The following PPID variants were observed in gnomAD, a reference collection of about 807,000 sequenced individuals.
PPID encodes the protein peptidylprolyl isomerase D.
A neutral mutation model predicts 48.1 loss-of-function variants in PPID; 47 were observed. That is an observed-to-expected ratio of 0.98 (90% CI 0.77 to 1.25). The LOEUF is 1.25. Among genes scored for constraint, PPID ranks in the 50% most tolerant of loss-of-function variants. The probability of loss-of-function intolerance (pLI) is 0.00; values close to 1 mark genes in which losing one functional copy is unlikely to be tolerated. For missense variants in PPID, 429 were observed against 443.5 expected, an observed-to-expected ratio of 0.97 and a Z score of 0.29; for synonymous variants, 163 against 148.8, an observed-to-expected ratio of 1.10 and a Z score of -0.69.
At chr4:158,710,364 AT>A in intron 9 of PPID, 1 of 552,196 alleles carries the variant, frequency 1.8e-6, no homozygotes, top group South Asian at 2.2e-5. Context: ...ATTTAGACAT[AT>A]AAAAAACTAC....
At chr4:158,718,267 C>A (rs1045633545) in intron 3 of PPID, among the ~76,000 whole-genome samples, 2 of 152,192 alleles carry the variant, frequency 1.3e-5, no homozygotes, top group African/African-American at 4.8e-5. Context: ...TCCTGCCTAA[C>A]CAAATCTCAG....
chr4:158,719,383 G>T, intron 2 of PPID, 97 bp from the exon 3 acceptor site: 1 of 769,038 alleles, frequency 1.3e-6, no homozygotes, highest in Non-Finnish European at 2.2e-6. Context: ...TGTAGTGCAT[G>T]ACTCTAGTCA....
At chr4:158,712,071 A>T (rs1438459234) in intron 7 of PPID, among the ~76,000 whole-genome samples, 1 of 152,204 alleles carries the variant, frequency 6.6e-6, no homozygotes, top group Non-Finnish European at 1.5e-5. Context: ...CAAAATTAGG[A>T]TCTCATTTTA....
At position 158,715,674 on chromosome 4, in the gene PPID, A is replaced by G. The variant is rs1774860383; in HGVS notation, c.533T>C (p.Ile178Thr). ...KGEKPAKLCV[I>T]AECGELKEGD... ...TTCCTTCAATTCTCCACATTCTGCA[A>G]TAACGCACAACTGTAAAAATAACCC... The change falls in exon 5 of 10, where the codon ATT (isoleucine) becomes ACT (threonine). Residue 178 changes from isoleucine (I) to threonine (T), a missense_variant. Transcript: ENST00000307720. The G allele has an allele frequency of 4.3e-6, 7 of 1,609,312 alleles. No homozygotes were observed. The highest frequency in any genetic ancestry group is 2.2e-5 in the East Asian group (1 of 44,850).
intron 2 of PPID, 106 bp downstream of exon 2, chr4:158,721,237 A>G (rs1580434152): frequency 3.0e-6 from 4 of 1,330,250 alleles, no homozygotes; most frequent in South Asian, 1.3e-5. Flanking sequence ...GGACGCTAAT[A>G]GTACTTTTTA....
At chr4:158,721,279 C>G (rs1774954594) in intron 2 of PPID, 64 bp downstream of exon 2, 4 of 1,561,634 alleles carry the variant, frequency 2.6e-6, no homozygotes, top group African/African-American at 1.4e-5. Flanking sequence ...TTTTCTTCCC[C>G]AAATCCTAAA....
chr4:158,713,068 A>G (rs1387806527), intron 7 of PPID, 51 bp downstream of exon 7: 2 of 1,585,984 alleles, frequency 1.3e-6, no homozygotes, highest in African/African-American at 2.7e-5. Flanking sequence ...TACTATTCAA[A>G]CTAAGTCTTA....
intron 4 of PPID, 31 bp from the exon 5 acceptor site, chr4:158,715,715 C>T: frequency 1.3e-6 from 2 of 1,589,866 alleles, no homozygotes; most frequent in African/African-American, 1.3e-5. Context: ...TGTAGAAGTG[C>T]ACTATCGTAA....
intron 6 of PPID, among the ~76,000 whole-genome samples, chr4:158,713,525 T>C (rs1288641331): frequency 6.6e-6 from 1 of 152,124 alleles, no homozygotes; most frequent in Non-Finnish European, 1.5e-5. Flanking sequence ...AAAACTCAGG[T>C]CCCCACTATG....
At chr4:158,718,410 T>C (rs1020203472) in intron 3 of PPID, among the ~76,000 whole-genome samples, 22 of 152,264 alleles carry the variant, frequency 1.4e-4, no homozygotes, top group Admixed American at 1.4e-3. Flanking sequence ...AGCAATGTTA[T>C]ACAAGCAAGG....
At chr4:158,710,949 C>A in intron 7 of PPID, 101 bp from the exon 8 acceptor site, 1 of 1,079,386 alleles carries the variant, frequency 9.3e-7, no homozygotes, top group Admixed American at 2.1e-5. Flanking sequence ...CTTCACTGCT[C>A]TGTGAAAATG....
intron 4 of PPID, 52 bp downstream of exon 4, chr4:158,716,960 A>G: frequency 5.1e-6 from 8 of 1,557,514 alleles, no homozygotes; most frequent in South Asian, 1.1e-5. Flanking sequence ...CTCCGTCTCA[A>G]AAAGATAGCA....
chr4:158,719,211 T>C lies in PPID; in HGVS notation c.302A>G (p.Glu101Gly). 6.2e-7 allele frequency: 1 copy of C among 1,606,364 alleles called. No homozygotes were observed. The highest frequency in any genetic ancestry group is 8.5e-7 in the Non-Finnish European group (1 of 1,173,546). Residue 101 changes from glutamate to glycine, a missense_variant, in exon 3 of 10, where the codon GAA becomes GGA. By Grantham distance (98) the Glu-to-Gly change is moderately conservative (BLOSUM62 -2). Transcript: ENST00000307720. The stretch of plus-strand genomic sequence containing the variant: ...ATGGAAATTTTCATCTTCAAATTTT[T>C]CACCATAAATACTTTCTCCACCTGT... ...NGTGGESIYG[E>G]KFEDENFHYK...
intron 9 of PPID, chr4:158,710,384 T>C: frequency 1.7e-6 from 1 of 579,336 alleles, no homozygotes; most frequent in Non-Finnish European, 3.0e-6. Context: ...ACAGAGATGA[T>C]AACTTGAAGA....
Position 158,723,358 on chromosome 4 carries a change from A to C in PPID, c.-70T>G, listed in dbSNP as rs1297801264. 1 of 1,467,314 alleles carries C rather than the reference A, an allele frequency of 6.8e-7. No homozygotes were observed. The highest frequency in any genetic ancestry group is 9.5e-7 in the Non-Finnish European group (1 of 1,056,956). The allele number at this position is 1,467,314 out of a possible 1,614,324, so 90.9% of individuals were successfully genotyped here. A position where few individuals can be genotyped will look rare whatever the true frequency, so the allele number is the denominator to read the frequency against. ...TGGCCGCCCGGGCCGCCCAAACTCC[A>C]GAGTCCGTCTCCGCCGGAGACCGGC... On this transcript the variant is annotated 5_prime_UTR_variant, in exon 1 of 10. Transcript: ENST00000307720.
chr4:158,711,462 G>A (rs17843951), intron 7 of PPID, among the ~76,000 whole-genome samples: 88 of 151,562 alleles, frequency 5.8e-4, no homozygotes, highest in African/African-American at 2.1e-3. Flanking sequence ...GGAATTAAGC[G>A]ATCTGCCCGC....
intron 6 of PPID, 144 bp from the exon 7 acceptor site, chr4:158,713,404 T>A (rs1774820984): frequency 1.0e-6 from 1 of 980,488 alleles, no homozygotes; most frequent in African/African-American, 1.7e-5. Flanking sequence ...CTTTTTAAAA[T>A]TTTTAAGAAG....
chr4:158,715,791 G>A (rs1332962656), intron 4 of PPID, 107 bp from the exon 5 acceptor site: 2 of 1,270,692 alleles, frequency 1.6e-6, no homozygotes, highest in East Asian at 2.4e-5. Context: ...AGATTTATGT[G>A]AGAAGGCTCA....
rs7691927 is a variant in PPID at position 158,720,063 on chromosome 4, T to C, written c.227-777A>G. On this transcript the variant is annotated intron_variant, in intron 2 of 9. Coordinates refer to ENST00000307720, the MANE Select transcript of PPID (RefSeq NM_005038.3). Reference sequence around the variant, plus strand: ...CTGCCCAGGAGAGCCAATTAGAGACTCAGCACCCAAGGTATTTATTGGGCA... The same window carrying C: ...CTGCCCAGGAGAGCCAATTAGAGACCCAGCACCCAAGGTATTTATTGGGCA... 7.9e-3 allele frequency among the ~76,000 whole-genome samples: 1,197 copies of C among 152,252 alleles called. 17 individuals are homozygous for C. Among genetic ancestry groups the C allele is most frequent in the African/African-American group, 0.025 (1,052 of 41,534 alleles).
Sources: allele counts gnomAD v4.1 joint callset (sites outside exome capture counted in the v4.1 genomes callset), GRCh38; gene constraint gnomAD v4.1.1; transcripts MANE v1.5; gene names NCBI Gene and HGNC (gene_info 2026-07-23, HGNC 2026-07-21).